Variants in VWC2 observed in about 807,000 individuals in gnomAD.
The protein encoded by VWC2 is brorin.
A neutral mutation model predicts 29.8 loss-of-function variants in VWC2; 14 were observed. The ratio of observed to expected loss-of-function variants is 0.47; its 90% CI spans 0.31 to 0.74. The LOEUF is 0.74. VWC2 is among the 30% of genes least tolerant of loss of function. VWC2 has a pLI of 0.05. For synonymous variants in VWC2, 213 were observed against 199.0 expected, an observed-to-expected ratio of 1.07 and a Z score of -0.59; for missense variants, 457 against 459.8, an observed-to-expected ratio of 0.99 and a Z score of 0.05.
intron 3 of VWC2, among the ~76,000 whole-genome samples, chr7:49,887,313 C>A (rs1791944629): frequency 6.6e-6 from 1 of 152,184 alleles, no homozygotes; most frequent in Non-Finnish European, 1.5e-5. Context: ...TATTCTGCAT[C>A]ATTTGAAAGA....
intron 3 of VWC2, among the ~76,000 whole-genome samples, chr7:49,818,199 C>G: frequency 6.7e-6 from 1 of 148,802 alleles, no homozygotes. Flanking sequence ...ATTAGAATTC[C>G]TATTACTTAA....
At chr7:49,858,566 AG>A (rs1331049556) in intron 3 of VWC2, among the ~76,000 whole-genome samples, 5 of 50,612 alleles carry the variant, frequency 9.9e-5, no homozygotes, top group African/African-American at 2.4e-4. Context: ...GGGGTGGGGG[AG>A]GGGGGAGGGA....
intron 3 of VWC2, among the ~76,000 whole-genome samples, chr7:49,830,957 T>C (rs1789512603): frequency 6.6e-6 from 1 of 152,226 alleles, no homozygotes; most frequent in African/African-American, 2.4e-5. Flanking sequence ...TTTGCTATTG[T>C]GAATAGTGCC....
intron 3 of VWC2, among the ~76,000 whole-genome samples, chr7:49,836,837 T>A (rs1789678291): frequency 6.6e-6 from 1 of 152,128 alleles, no homozygotes; most frequent in African/African-American, 2.4e-5. Context: ...ATTGGTTTGG[T>A]TTCTTTAGTA....
chr7:49,831,681 A>G (rs1789531327), intron 3 of VWC2, among the ~76,000 whole-genome samples: 1 of 152,198 alleles, frequency 6.6e-6, no homozygotes, highest in Admixed American at 6.5e-5. Context: ...TTTAGCTACA[A>G]TGAGAAGAGT....
chr7:49,795,621 C>G (rs1022909031), intron 2 of VWC2, among the ~76,000 whole-genome samples: 7 of 152,186 alleles, frequency 4.6e-5, no homozygotes, highest in African/African-American at 1.7e-4. Flanking sequence ...GTGCCTAATC[C>G]TTGAGCAGCT....
At chr7:49,780,424 G>GA (rs1468370030) in intron 2 of VWC2, among the ~76,000 whole-genome samples, 2 of 151,796 alleles carry the variant, frequency 1.3e-5, no homozygotes, top group Non-Finnish European at 2.9e-5. Context: ...TGTGTTAATT[G>GA]AAAAAAAATC....
At chr7:49,805,610 C>T (rs1055115590) in intron 3 of VWC2, among the ~76,000 whole-genome samples, 18 of 152,112 alleles carry the variant, frequency 1.2e-4, no homozygotes, top group African/African-American at 4.8e-5. Flanking sequence ...CTATGAAAAA[C>T]AAATGCTCTA....
chr7:49,803,287 C>T (rs897759276), intron 3 of VWC2, among the ~76,000 whole-genome samples: 4 of 152,216 alleles, frequency 2.6e-5, no homozygotes, highest in Admixed American at 1.3e-4. Flanking sequence ...CAGTGAGAGC[C>T]CCTGGTAGAT....
Position 49,775,921 on chromosome 7 carries a change from G to A in VWC2, c.486G>A (p.Val162=). 1 of 1,557,680 alleles carries A rather than the reference G, an allele frequency of 6.4e-7. No individual in the cohort carries two copies. Among genetic ancestry groups the A allele is most frequent in the Non-Finnish European group, 8.7e-7 (1 of 1,152,390 alleles). Residue 162 remains valine, a synonymous_variant, in exon 2 of 4, where the codon GTG becomes GTA. Coordinates refer to ENST00000340652, the MANE Select transcript of VWC2 (RefSeq NM_198570.5). ...GKGCVDESGF[V]YAIGEKFAPG... ...GCTGCGTGGACGAGAGCGGCTTCGTGTACGCGATCGGGGAGAAGTTCGCGC... is the reference window on the plus strand; with the variant it reads ...GCTGCGTGGACGAGAGCGGCTTCGTATACGCGATCGGGGAGAAGTTCGCGC...
intron 3 of VWC2, among the ~76,000 whole-genome samples, chr7:49,888,682 G>A (rs1360707269): frequency 6.6e-6 from 1 of 152,140 alleles, no homozygotes; most frequent in African/African-American, 2.4e-5. Context: ...AGGCCTAGGT[G>A]GGTGGATCAC....
At chr7:49,856,712 G>T (rs1482381650) in intron 3 of VWC2, among the ~76,000 whole-genome samples, 3 of 152,068 alleles carry the variant, frequency 2.0e-5, no homozygotes. Context: ...TGTCCTTTTG[G>T]TTTTGTTTTG....
intron 3 of VWC2, among the ~76,000 whole-genome samples, chr7:49,824,158 G>C (rs1018928339): frequency 7.9e-5 from 12 of 152,070 alleles, no homozygotes; most frequent in Middle Eastern, 3.4e-3. Context: ...TTTTGGTCCT[G>C]TCTATGAAAT....
chr7:49,780,899 G>GT (rs1252571470), intron 2 of VWC2, among the ~76,000 whole-genome samples: 2 of 152,044 alleles, frequency 1.3e-5, no homozygotes, highest in Non-Finnish European at 2.9e-5. Flanking sequence ...TTATTTCTAG[G>GT]TTTTTATCAA....
intron 2 of VWC2, among the ~76,000 whole-genome samples, chr7:49,787,208 T>G (rs10280152): frequency 0.26 from 39,938 of 152,102 alleles, 7,336 homozygotes; most frequent in African/African-American, 0.53. Context: ...TGTGTACCCT[T>G]AGGGCAATAG....
intron 2 of VWC2, among the ~76,000 whole-genome samples, chr7:49,786,169 G>T (rs1788290731): frequency 6.6e-6 from 1 of 152,104 alleles, no homozygotes; most frequent in South Asian, 2.1e-4. Context: ...AGTGTCTATT[G>T]TTCCCATCTT....
intron 3 of VWC2, among the ~76,000 whole-genome samples, chr7:49,903,666 T>C (rs1792903583): frequency 2.0e-5 from 3 of 152,194 alleles, no homozygotes; most frequent in Admixed American, 6.5e-5. Flanking sequence ...CACAAAGTTG[T>C]ATATGCAATC....
intron 3 of VWC2, among the ~76,000 whole-genome samples, chr7:49,880,588 T>C (rs2128726884): frequency 6.6e-6 from 1 of 151,756 alleles, no homozygotes; most frequent in South Asian, 2.1e-4. Context: ...TATTTTTATT[T>C]ATTTATTTAT....
intron 3 of VWC2, among the ~76,000 whole-genome samples, chr7:49,867,702 G>A (rs1454298381): frequency 6.6e-6 from 1 of 152,220 alleles, no homozygotes; most frequent in African/African-American, 2.4e-5. Flanking sequence ...AGGCTCACCT[G>A]TCAGTCAGCC....
Sources: allele counts gnomAD v4.1 joint callset (sites outside exome capture counted in the v4.1 genomes callset), GRCh38; gene constraint gnomAD v4.1.1; transcripts MANE v1.5; gene names NCBI Gene and HGNC (gene_info 2026-07-23, HGNC 2026-07-21).